The following CCDC12 variants were observed in gnomAD, a reference collection of about 807,000 sequenced individuals.
CCDC12 encodes coiled-coil domain containing 12.
CCDC12 carries 28 observed loss-of-function variants against 25.7 expected under a neutral mutation model. The observed-to-expected ratio is 1.09, with a 90% confidence interval of 0.81 to 1.50. The LOEUF is 1.50. CCDC12 is among the 40% of genes most tolerant of loss of function. The probability of loss-of-function intolerance (pLI) is 0.00; values close to 1 mark genes in which losing one functional copy is unlikely to be tolerated. For missense variants in CCDC12, 198 were observed against 210.0 expected (o/e 0.94, Z 0.35); for synonymous variants, 75 against 87.7 (o/e 0.86, Z 0.81).
chr3:46,960,051 C>T (rs2034417031), intron 1 of CCDC12, among the ~76,000 whole-genome samples: 2 of 152,182 alleles, frequency 1.3e-5, no homozygotes, highest in African/African-American at 4.8e-5. Flanking sequence ...TGTCCCCCAT[C>T]CCCTGTCCAT....
intron 1 of CCDC12, among the ~76,000 whole-genome samples, chr3:46,969,045 TG>T (rs1278933098): frequency 6.6e-6 from 1 of 152,192 alleles, no homozygotes; most frequent in Non-Finnish European, 1.5e-5. Flanking sequence ...CTGCTGGGCC[TG>T]GGGATGTGGC....
intron 1 of CCDC12, among the ~76,000 whole-genome samples, chr3:46,956,831 C>CA (rs11390218): frequency 9.9e-5 from 15 of 151,498 alleles, no homozygotes; most frequent in African/African-American, 1.5e-4. Context: ...CACCCACCCC[C>CA]CCAAAATAAA....
intron 2 of CCDC12, among the ~76,000 whole-genome samples, chr3:46,931,086 G>A (rs1366374746): frequency 6.6e-6 from 1 of 152,232 alleles, no homozygotes; most frequent in Non-Finnish European, 1.5e-5. Flanking sequence ...AAGCAAAGAA[G>A]TTGTGCCCAG....
At chr3:46,967,113 C>A (rs186754760) in intron 1 of CCDC12, among the ~76,000 whole-genome samples, 6 of 152,298 alleles carry the variant, frequency 3.9e-5, no homozygotes, top group Non-Finnish European at 8.8e-5. Flanking sequence ...TTATGTCTCT[C>A]TTCGCTTACC....
chr3:46,935,587 G>A lies in CCDC12; in HGVS notation c.164+5411C>T, dbSNP rs535171624. On this transcript the variant is annotated intron_variant, in intron 2 of 6. Coordinates refer to ENST00000683445, the MANE Select transcript of CCDC12 (RefSeq NM_001277074.2). Reference sequence around the variant, plus strand: ...CTCTTCCATGGGCCAGCTTTCCAGGGCACATCTTATCTGGGCAGTACACAG... The same window carrying A: ...CTCTTCCATGGGCCAGCTTTCCAGGACACATCTTATCTGGGCAGTACACAG... 3.2e-4 allele frequency among the ~76,000 whole-genome samples: 48 copies of A among 152,286 alleles called. 1 individual carries two copies. The highest frequency in any genetic ancestry group is 1.1e-3 in the Admixed American group (17 of 15,304).
chr3:46,956,569 C>A (rs1219456866), intron 1 of CCDC12, among the ~76,000 whole-genome samples: 2 of 152,186 alleles, frequency 1.3e-5, no homozygotes, highest in Non-Finnish European at 2.9e-5. Context: ...CGCCTGTAAT[C>A]CCAACACTTT....
At chr3:46,954,159 A>T (rs2034215968) in intron 1 of CCDC12, among the ~76,000 whole-genome samples, 1 of 152,140 alleles carries the variant, frequency 6.6e-6, no homozygotes, top group African/African-American at 2.4e-5. Context: ...AGTTCCAGGG[A>T]CTGGAACAAC....
chr3:46,951,798 A>AAAAAAAAAAATATAT, intron 1 of CCDC12, among the ~76,000 whole-genome samples: 88 of 8,454 alleles, frequency 0.01, 3 homozygotes, highest in East Asian at 0.037. Flanking sequence ...AAAAAAAAAA[A>AAAAAAAAAAATATAT]ATATATATAT....
At chr3:46,959,665 A>G (rs940890594) in intron 1 of CCDC12, among the ~76,000 whole-genome samples, 1 of 152,182 alleles carries the variant, frequency 6.6e-6, no homozygotes, top group African/African-American at 2.4e-5. Flanking sequence ...TGTGCAGAGA[A>G]TATGAATCCA....
At chr3:46,923,526 G>A (rs759203372) in intron 4 of CCDC12, 81 bp downstream of exon 4, 4 of 1,487,180 alleles carry the variant, frequency 2.7e-6, no homozygotes, top group South Asian at 2.4e-5. Context: ...AGAAGGAATG[G>A]GGGGCAGAGG....
At chr3:46,932,375 A>G (rs1014327572) in intron 2 of CCDC12, among the ~76,000 whole-genome samples, 6 of 152,198 alleles carry the variant, frequency 3.9e-5, no homozygotes, top group African/African-American at 1.2e-4. Flanking sequence ...TTGGTGGTTG[A>G]TATTTTTCTT....
intron 2 of CCDC12, among the ~76,000 whole-genome samples, chr3:46,937,826 GT>G (rs753913350): frequency 6.6e-6 from 1 of 152,222 alleles, no homozygotes; most frequent in Non-Finnish European, 1.5e-5. Context: ...GGCAACCAAT[GT>G]TCTAATCTGC....
chr3:46,927,183 A>G (rs1234260709), intron 2 of CCDC12, among the ~76,000 whole-genome samples: 1 of 151,974 alleles, frequency 6.6e-6, no homozygotes, highest in Non-Finnish European at 1.5e-5. Flanking sequence ...GCCCACCTGC[A>G]CTCCCAGAAG....
intron 1 of CCDC12, among the ~76,000 whole-genome samples, chr3:46,970,478 A>G (rs1412552766): frequency 6.6e-6 from 1 of 152,196 alleles, no homozygotes; most frequent in African/African-American, 2.4e-5. Flanking sequence ...TGGCTACAGT[A>G]CTAGACAGTG....
In CCDC12 at chr3:46,925,520, C is replaced by A; in HGVS notation, c.180G>T (p.Arg60=). 6.3e-7 allele frequency: 1 copy of A among 1,588,070 alleles called. No homozygotes were observed. The highest frequency in any genetic ancestry group is 1.1e-5 in the South Asian group (1 of 88,312). Residue 60 remains arginine (R), a synonymous_variant, in exon 3 of 7, where the codon CGG becomes CGT. Coordinates refer to ENST00000683445, the MANE Select transcript of CCDC12 (RefSeq NM_001277074.2). ...EGEKHRELRL[R]NYVPEDEDLK... ...GGTCCTCATCCTCCGGGACATAGTT[C>A]CGCAGCCTAAGTTCCCTGCAAGAAT... is the stretch of plus-strand genomic sequence containing the variant.
At position 46,921,976 on chromosome 3, in the gene CCDC12, G is replaced by A. The variant is rs1340887497; in HGVS notation, c.*81C>T. ...GCTCAGAAGCCAAACTGGAGGTGATGGCAAGCCTAGCCCCCATCCCTGCCC... is the reference window on the plus strand; with the variant it reads ...GCTCAGAAGCCAAACTGGAGGTGATAGCAAGCCTAGCCCCCATCCCTGCCC... On this transcript the variant is annotated 3_prime_UTR_variant, in exon 7 of 7. Coordinates refer to ENST00000683445, the MANE Select transcript of CCDC12 (RefSeq NM_001277074.2). 6.7e-7 allele frequency: 1 copy of A among 1,485,054 alleles called. No individual in the cohort carries two copies. Among genetic ancestry groups the A allele is most frequent in the Non-Finnish European group, 9.3e-7 (1 of 1,074,964 alleles). 92.0% of individuals were successfully genotyped at this position (1,485,054 alleles called of 1,614,324 possible).
intron 1 of CCDC12, among the ~76,000 whole-genome samples, chr3:46,944,132 C>T (rs1327057763): frequency 2.0e-5 from 3 of 152,186 alleles, no homozygotes; most frequent in Non-Finnish European, 2.9e-5. Context: ...CAGGATCACC[C>T]ATTCTAGGTC....
intron 1 of CCDC12, among the ~76,000 whole-genome samples, chr3:46,948,036 G>C (rs570469905): frequency 2.6e-5 from 4 of 152,378 alleles, no homozygotes; most frequent in Admixed American, 2.6e-4. Context: ...CACAGGCCCA[G>C]AACGGTGTGC....
intron 1 of CCDC12, among the ~76,000 whole-genome samples, chr3:46,974,113 G>T (rs1339377828): frequency 1.3e-5 from 2 of 152,176 alleles, no homozygotes; most frequent in Non-Finnish European, 2.9e-5. Flanking sequence ...AATACTGTAT[G>T]ATTTGATTAC....
Sources: gnomAD v4.1 joint callset for allele counts (sites outside exome capture counted in the v4.1 genomes callset) on GRCh38, gnomAD v4.1.1 for gene constraint, MANE v1.5 for transcripts, NCBI Gene and HGNC (gene_info 2026-07-23, HGNC 2026-07-21) for gene names.